Variants in SUPT7L observed in about 807,000 individuals in gnomAD.
SUPT7L encodes STAGA complex 65 subunit gamma.
A neutral mutation model predicts 35.7 loss-of-function variants in SUPT7L; 15 were observed. The ratio of observed to expected loss-of-function variants is 0.42; its 90% CI spans 0.28 to 0.65. The LOEUF (loss-of-function observed/expected upper bound fraction) is 0.65. Ranked by LOEUF, SUPT7L falls within the 30% of genes least tolerant of loss-of-function variation. The probability of loss-of-function intolerance (pLI) is 0.23; values close to 1 mark genes in which losing one functional copy is unlikely to be tolerated. For missense variants in SUPT7L, 434 were observed against 522.2 expected, an observed-to-expected ratio of 0.83 and a Z score of 1.65; for synonymous variants, 168 against 186.2, an observed-to-expected ratio of 0.90 and a Z score of 0.79.
the SUPT7L span, among the ~76,000 whole-genome samples, chr2:27,642,956 T>TACACACACACACACAC: frequency 0.024 from 2,068 of 85,470 alleles, 26 homozygotes; most frequent in East Asian, 0.088. Context: ...TATATATATA[T>TACACACACACACACAC]ATACACACAC....
rs770037914 is a variant in SUPT7L, at chr2:27,657,585, G to A, written c.504C>T (p.His168=). ...LYQAVATILA[H]AGFDCANESV... is the part of the protein sequence containing the mutation. ...TCTCATTAGCACAGTCAAAGCCCGC[G>A]TGGGCCAGGATTGTGGCCACTGCCT... Residue 168 remains histidine (H), a synonymous_variant, in exon 4 of 6, where the codon CAC becomes CAT. Transcript: ENST00000337768. This position sits in a 1 kb window ranked among gnomAD's most constrained non-coding sequence, Gnocchi z 5.2. The A allele has an allele frequency of 8.1e-6, 13 of 1,614,250 alleles. No homozygotes were observed. Among genetic ancestry groups the A allele is most frequent in the East Asian group, 2.2e-5 (1 of 44,890 alleles).
chr2:27,657,656 G>C lies in SUPT7L; in HGVS notation c.433C>G (p.Pro145Ala). ...ESDFYRGKGE[P>A]VTELSWHSCR... Reference sequence around the variant, plus strand: ...GAGTGCCAGCTGAGTTCAGTCACAGGTTCCCCTTTCCCACTGAAAGTGGAG... The same window carrying C: ...GAGTGCCAGCTGAGTTCAGTCACAGCTTCCCCTTTCCCACTGAAAGTGGAG... Residue 145 changes from proline (P) to alanine (A), a missense_variant, in exon 4 of 6, where the codon CCT becomes GCT. Physicochemically the swap from Pro to Ala is conservative, Grantham distance 27 (BLOSUM62 -1). Around this residue, in one of 3 missense-constraint regions of SUPT7L, gnomAD observed 198 missense variants for 190.8 expected, o/e 1.04. Coordinates refer to ENST00000337768, the MANE Select transcript of SUPT7L (RefSeq NM_014860.3). The surrounding 1 kb of genome is among the most constrained non-coding windows in gnomAD (Gnocchi z 5.2). 6.2e-7 allele frequency: 1 copy of C among 1,611,906 alleles called. No homozygotes were observed. Among genetic ancestry groups the C allele is most frequent in the Non-Finnish European group, 8.5e-7 (1 of 1,178,446 alleles).
chr2:27,650,177 TA>T (rs1674458145), downstream of SUPT7L: 3 of 1,599,638 alleles, frequency 1.9e-6, no homozygotes, highest in Non-Finnish European at 2.6e-6. Context: ...GATGGCACAA[TA>T]CTGGAAGAGA....
At chr2:27,646,436 G>A (rs1674236166), downstream of SUPT7L, among the ~76,000 whole-genome samples, 1 of 152,166 alleles carries the variant, frequency 6.6e-6, no homozygotes, top group Admixed American at 6.5e-5. Context: ...GTTTATGTTT[G>A]TATGTATGAA....
chr2:27,647,836 A>T, downstream of SUPT7L: 2 of 1,597,214 alleles, frequency 1.3e-6, no homozygotes, highest in Non-Finnish European at 1.7e-6. Flanking sequence ...TTCACTGTAG[A>T]CAGCTTATCT....
Position 27,655,450 on chromosome 2 carries a change from G to A in SUPT7L, c.897C>T (p.Asp299=). The change falls in exon 5 of 6, where the codon GAC becomes GAT. Residue 299 remains aspartate, a synonymous_variant. Coordinates refer to ENST00000337768, the MANE Select transcript of SUPT7L (RefSeq NM_014860.3). ...EELEADLASG[D]QSLPMGVLGA... ...CAAGCACTCCCATAGGCAGTGACTG[G>A]TCTCCAGAAGCAAGGTCAGCCTCCA... is the stretch of plus-strand genomic sequence containing the variant. The A allele has an allele frequency of 3.1e-6, 5 of 1,614,128 alleles. No homozygotes were observed. The South Asian group carries it at 3.3e-5, about 11-fold the overall frequency.
At chr2:27,644,263 G>T in the SUPT7L span, among the ~76,000 whole-genome samples, 617 of 152,172 alleles carry the variant, frequency 4.1e-3, 4 homozygotes, top group African/African-American at 0.014. Flanking sequence ...GATGCTTTGA[G>T]ACTATAAATA....
chr2:27,663,584 C>A lies in SUPT7L; in HGVS notation c.-345G>T. 1 of 626,890 alleles carries A rather than the reference C, an allele frequency of 1.6e-6. No homozygotes were observed. Among genetic ancestry groups the A allele is most frequent in the East Asian group, 2.8e-5 (1 of 35,850 alleles). The allele number at this position is 626,890 out of a possible 1,614,324, so 38.8% of individuals were successfully genotyped here. A position where few individuals can be genotyped will look rare whatever the true frequency, so the allele number is the denominator to read the frequency against. ...GGCCTGAGGCAAGGATCGCGTCAGA[C>A]CCCGAAAGCTGGTTTGTTGATTAGT... On this transcript the variant is annotated 5_prime_UTR_variant, in exon 1 of 6. Coordinates refer to ENST00000337768, the MANE Select transcript of SUPT7L (RefSeq NM_014860.3).
chr2:27,658,385 C>T (rs143632932), intron 3 of SUPT7L, among the ~76,000 whole-genome samples: 192 of 152,162 alleles, frequency 1.3e-3, no homozygotes, highest in African/African-American at 1.4e-3. Flanking sequence ...CTCCAGAAAC[C>T]GTATCCTGCA....
Position 27,651,168 on chromosome 2 carries a change from CAG to C in SUPT7L, c.*2315_*2316del, listed in dbSNP as rs1330959139. ...CTCCACATTTTACAGTATCTTAAAA[CAG>C]TACATTTCTTTCAAAGAATTTTATC... On this transcript the variant is annotated 3_prime_UTR_variant, in exon 6 of 6. Coordinates refer to ENST00000337768, the MANE Select transcript of SUPT7L (RefSeq NM_014860.3). The C allele has an allele frequency of 4.6e-5, 7 of 152,336 alleles. No homozygotes were observed. The highest frequency in any genetic ancestry group is 1.4e-4 in the African/African-American group (6 of 41,450). The allele number at this position is 152,336 out of a possible 1,614,324, so 9.4% of individuals were successfully genotyped here.
chr2:27,658,503 T>C (rs1490053154), intron 3 of SUPT7L, among the ~76,000 whole-genome samples: 1 of 152,202 alleles, frequency 6.6e-6, no homozygotes, highest in Non-Finnish European at 1.5e-5. Flanking sequence ...TTTTAATAAT[T>C]TACCTGTCTC....
intron 3 of SUPT7L, among the ~76,000 whole-genome samples, chr2:27,660,577 A>G (rs1052943585): frequency 2.0e-5 from 3 of 152,180 alleles, no homozygotes; most frequent in African/African-American, 7.2e-5. Flanking sequence ...CAATTTAAAG[A>G]TTCTTGTGTA....
chr2:27,656,788 A>G lies in SUPT7L; in HGVS notation c.744+557T>C, dbSNP rs1174477420. Among the ~76,000 whole-genome samples the G allele has an allele frequency of 9.9e-5, 15 of 152,016 alleles. No homozygotes were observed. In the South Asian group the frequency reaches 3.1e-3, roughly 32 times the overall value. ...GCTGAGACCACAGGCATGAGCTACCATGTCCAGCTAATTTTTATTTTTTAA... is the reference window on the plus strand; with the variant it reads ...GCTGAGACCACAGGCATGAGCTACCGTGTCCAGCTAATTTTTATTTTTTAA... On this transcript the variant is annotated intron_variant, in intron 4 of 5. Transcript: ENST00000337768.
At chr2:27,644,193 C>A in the SUPT7L span, among the ~76,000 whole-genome samples, 2 of 152,162 alleles carry the variant, frequency 1.3e-5, no homozygotes, top group South Asian at 4.1e-4. Flanking sequence ...ACAACAACAA[C>A]AAAAATTACT....
intron 3 of SUPT7L, among the ~76,000 whole-genome samples, chr2:27,659,047 T>C (rs938623002): frequency 3.9e-5 from 6 of 152,246 alleles, no homozygotes; most frequent in Non-Finnish European, 7.3e-5. Context: ...CAATTTAATA[T>C]GATAGATAAC....
At chr2:27,658,361 G>C (rs1674896823) in intron 3 of SUPT7L, among the ~76,000 whole-genome samples, 1 of 152,090 alleles carries the variant, frequency 6.6e-6, no homozygotes, top group African/African-American at 2.4e-5. Flanking sequence ...ATTAGTAAGT[G>C]GTAAAGCTTC....
Position 27,653,046 on chromosome 2 carries a change from T to A in SUPT7L, c.*439A>T, listed in dbSNP as rs962787259. ...TGACCTGAGCCAAAAATGAATCAAG[T>A]TAAATGAAAACTGACATCTGATATG... On this transcript the variant is annotated 3_prime_UTR_variant, in exon 6 of 6. Transcript: ENST00000337768. 1.2e-5 allele frequency: 2 copies of A among 164,566 alleles called. No individual in the cohort carries two copies. Among genetic ancestry groups the A allele is most frequent in the African/African-American group, 4.8e-5 (2 of 41,568 alleles). 10.2% of individuals were successfully genotyped at this position (164,566 alleles called of 1,614,324 possible). A position where few individuals can be genotyped will look rare whatever the true frequency, so the allele number is the denominator to read the frequency against.
At chr2:27,661,530 A>G (rs1415057403) in intron 2 of SUPT7L, 142 bp from the exon 3 acceptor site, 2 of 1,458,030 alleles carry the variant, frequency 1.4e-6, no homozygotes, top group Non-Finnish European at 1.8e-6. Context: ...TATTTATGTA[A>G]AAAGTAGGCT....
Position 27,657,614 on chromosome 2 carries a change from A to G in SUPT7L, c.475T>C (p.Tyr159His), listed in dbSNP as rs1168833594. 3 of 1,614,186 alleles carry G rather than the reference A, an allele frequency of 1.9e-6. No homozygotes were observed. The highest frequency in any genetic ancestry group is 1.3e-5 in the African/African-American group (1 of 75,064). ...LSWHSCRQLL[Y>H]QAVATILAHA... ...GCCAGGATTGTGGCCACTGCCTGGT[A>G]GAGGAGCTGCCGACAGGAGTGCCAG... The change falls in exon 4 of 6, where the codon TAC becomes CAC. Residue 159 changes from tyrosine (Y) to histidine (H), a missense_variant. Physicochemically the swap from Tyr to His is moderately conservative, Grantham distance 83. This residue lies in a region of SUPT7L where 198 missense variants were observed against 190.8 expected (regional missense o/e 1.04). Coordinates refer to ENST00000337768, the MANE Select transcript of SUPT7L (RefSeq NM_014860.3). The surrounding 1 kb of genome is among the most constrained non-coding windows in gnomAD (Gnocchi z 5.2).
Sources: allele counts gnomAD v4.1 joint callset (sites outside exome capture counted in the v4.1 genomes callset), GRCh38; gene constraint gnomAD v4.1.1; regional missense constraint gnomAD v4.1.1; non-coding constraint Gnocchi (gnomAD v3.1); transcripts MANE v1.5; gene names NCBI Gene and HGNC (gene_info 2026-07-23, HGNC 2026-07-21).